The following GNG4 variants were observed in gnomAD, a reference collection of about 807,000 sequenced individuals.
GNG4 encodes the protein G protein subunit gamma 4.
A neutral mutation model predicts 5.8 loss-of-function variants in GNG4; 4 were observed. That is an observed-to-expected ratio of 0.69 (90% CI 0.34 to 1.57). GNG4 has a LOEUF of 1.57. Ranked by LOEUF, GNG4 falls within the 40% of genes most tolerant of loss-of-function variation. The pLI, the probability that GNG4 is intolerant of heterozygous loss-of-function variation, is 0.06. For missense variants in GNG4, 96 were observed against 95.1 expected (o/e 1.01, Z -0.04); for synonymous variants, 29 against 32.9 (o/e 0.88, Z 0.41).
At chr1:235,580,307 G>T (rs1474092573) in intron 3 of GNG4, among the ~76,000 whole-genome samples, 2 of 152,164 alleles carry the variant, frequency 1.3e-5, no homozygotes, top group Non-Finnish European at 2.9e-5. Context: ...TTTCTGTGTG[G>T]GAAGATGAGA....
intron 1 of GNG4, among the ~76,000 whole-genome samples, chr1:235,628,994 T>A (rs896490037): frequency 4.7e-5 from 5 of 106,456 alleles, no homozygotes; most frequent in African/African-American, 2.5e-4. Context: ...TTTGCTTGAA[T>A]TTTTTTTTTT....
intron 1 of GNG4, among the ~76,000 whole-genome samples, chr1:235,645,876 CCT>C (rs1657498285): frequency 6.6e-6 from 1 of 151,732 alleles, no homozygotes; most frequent in South Asian, 2.1e-4. Context: ...TATCGCCCTG[CCT>C]CTCTTTCTTT....
At chr1:235,557,697 C>A (rs1245226040) in intron 3 of GNG4, among the ~76,000 whole-genome samples, 7 of 152,174 alleles carry the variant, frequency 4.6e-5, no homozygotes, top group Non-Finnish European at 8.8e-5. Context: ...CAAGGGGGCG[C>A]CTCACTGGGG....
At chr1:235,636,620 G>A (rs2102986060) in intron 1 of GNG4, among the ~76,000 whole-genome samples, 1 of 152,292 alleles carries the variant, frequency 6.6e-6, no homozygotes, top group East Asian at 1.9e-4. Context: ...AATTGCCTGT[G>A]CCCTGAGATG....
At position 235,619,681 on chromosome 1, in the gene GNG4, A is replaced by G. The variant is rs77546654; in HGVS notation, c.-122-24170T>C. ...TGAATGTTGAAATCTAACTTTTTATATTATCTTTATTATTGTTATAAAAAC... is the reference window on the plus strand; with the variant it reads ...TGAATGTTGAAATCTAACTTTTTATGTTATCTTTATTATTGTTATAAAAAC... On this transcript the variant is annotated intron_variant, in intron 1 of 3. Transcript: ENST00000391854. 3.3e-5 allele frequency among the ~76,000 whole-genome samples: 5 copies of G among 152,282 alleles called. No homozygotes were observed. In the East Asian group the frequency reaches 9.6e-4, roughly 29 times the overall value.
In GNG4 at chr1:235,589,436, C is replaced by T. The variant is rs113665330; in HGVS notation, c.-10-5588G>A. Among the ~76,000 whole-genome samples the T allele has an allele frequency of 1.7e-3, 261 of 152,246 alleles. 1 individual carries two copies. Among genetic ancestry groups the T allele is most frequent in the African/African-American group, 5.7e-3 (238 of 41,534 alleles). ...GCCAGAGCAGACAGCTGAGTCAAGG[C>T]GGACAGTGTGAGAGAGCTGGTATGA... On this transcript the variant is annotated intron_variant, in intron 2 of 3. Transcript: ENST00000391854.
At chr1:235,625,115 C>A (rs1450720024) in intron 1 of GNG4, among the ~76,000 whole-genome samples, 1 of 152,054 alleles carries the variant, frequency 6.6e-6, no homozygotes, top group Non-Finnish European at 1.5e-5. Context: ...GGGGAGGGAA[C>A]GAAGATTGAT....
At chr1:235,611,174 T>C (rs57247603) in intron 1 of GNG4, among the ~76,000 whole-genome samples, 1,947 of 150,892 alleles carry the variant, frequency 0.013, 41 homozygotes, top group African/African-American at 0.041. Flanking sequence ...TCTCTCTCTT[T>C]TTTTTTTTTT....
rs1040360497 is a variant in GNG4 at position 235,647,032 on chromosome 1, T to C, written c.-123+2630A>G. Among the ~76,000 whole-genome samples the C allele has an allele frequency of 5.3e-5, 8 of 152,352 alleles. No homozygotes were observed. In the East Asian group the frequency reaches 1.5e-3, roughly 29 times the overall value. ...TTTCAGTCTTTCGGTAGTATTACCC[T>C]GCAATCTCCTTTTCTTTCCTGATAC... On this transcript the variant is annotated intron_variant, in intron 1 of 3. Coordinates refer to ENST00000391854, the MANE Select transcript of GNG4 (RefSeq NM_001098722.2).
intron 1 of GNG4, among the ~76,000 whole-genome samples, chr1:235,639,539 C>G (rs112718250): frequency 7.5e-6 from 1 of 132,484 alleles, no homozygotes; most frequent in Non-Finnish European, 1.7e-5. Flanking sequence ...TTCTTAATTC[C>G]GTGTTGTATG....
chr1:235,620,719 T>G (rs1203697955), intron 1 of GNG4, among the ~76,000 whole-genome samples: 1 of 152,134 alleles, frequency 6.6e-6, no homozygotes, highest in African/African-American at 2.4e-5. Flanking sequence ...ATATTTTTAG[T>G]AGAGACAGGG....
rs1686678083 is a variant in GNG4 at position 235,549,388 on chromosome 1, G to C, written c.*2721C>G. On this transcript the variant is annotated 3_prime_UTR_variant, in exon 4 of 4. Coordinates refer to ENST00000391854, the MANE Select transcript of GNG4 (RefSeq NM_001098722.2). The stretch of plus-strand genomic sequence containing the variant: ...ACAAAACGGAGGCTGAATCTGGAGG[G>C]ACGGGGCATGTAAAAACAACAGGGA... 2 of 152,392 alleles carry C rather than the reference G, an allele frequency of 1.3e-5. No homozygotes were observed. Among genetic ancestry groups the C allele is most frequent in the Admixed American group, 6.6e-5 (1 of 15,264 alleles). 9.4% of individuals were successfully genotyped at this position (152,392 alleles called of 1,614,324 possible).
In GNG4 at chr1:235,587,629, G is replaced by T. The variant is rs1465200697; in HGVS notation, c.-10-3781C>A. Among the ~76,000 whole-genome samples, 90 of 77,972 alleles carry T rather than the reference G, an allele frequency of 1.2e-3. 13 individuals are homozygous for T. Among genetic ancestry groups the T allele is most frequent in the African/African-American group, 1.6e-3 (33 of 20,096 alleles). 51.2% of individuals were successfully genotyped at this position (77,972 alleles called of 152,430 possible). The stretch of plus-strand genomic sequence containing the variant: ...CATGGGGTGGGGTGTGTGAATGTGG[G>T]GTGGAGTGTGAGTGTGGGAGGGTGT... On this transcript the variant is annotated intron_variant, in intron 2 of 3. Coordinates refer to ENST00000391854, the MANE Select transcript of GNG4 (RefSeq NM_001098722.2).
intron 3 of GNG4, among the ~76,000 whole-genome samples, chr1:235,567,336 A>G (rs1687223916): frequency 6.6e-6 from 1 of 152,226 alleles, no homozygotes; most frequent in Admixed American, 6.5e-5. Context: ...CATCAAATGC[A>G]TCGTCTTAAC....
chr1:235,586,272 T>C (rs183816472), intron 2 of GNG4, among the ~76,000 whole-genome samples: 44 of 152,326 alleles, frequency 2.9e-4, no homozygotes, highest in Non-Finnish European at 5.3e-4. Context: ...TCAGCAGAAC[T>C]GTGCACGCGT....
At chr1:235,586,615 C>T (rs1029426181) in intron 2 of GNG4, among the ~76,000 whole-genome samples, 1 of 152,178 alleles carries the variant, frequency 6.6e-6, no homozygotes, top group African/African-American at 2.4e-5. Context: ...AAGGGCTCAG[C>T]GCCACCCTTT....
chr1:235,559,390 T>C (rs556050359), intron 3 of GNG4, among the ~76,000 whole-genome samples: 2 of 152,156 alleles, frequency 1.3e-5, no homozygotes, highest in Non-Finnish European at 2.9e-5. Context: ...ACCTCACCTT[T>C]AAATTCTCAG....
At position 235,642,685 on chromosome 1, in the gene GNG4, G is replaced by A. The variant is rs1392386954; in HGVS notation, c.-123+6977C>T. 6.6e-6 allele frequency among the ~76,000 whole-genome samples: 1 copy of A among 152,122 alleles called. No individual in the cohort carries two copies. The highest frequency in any genetic ancestry group is 1.9e-4 in the East Asian group (1 of 5,182). ...CATGAAAGTCTGTGTAAGAAAGGGTGTGCCTCCTACAGAAGGATATTTGTT... is the reference window on the plus strand; with the variant it reads ...CATGAAAGTCTGTGTAAGAAAGGGTATGCCTCCTACAGAAGGATATTTGTT... On this transcript the variant is annotated intron_variant, in intron 1 of 3. Coordinates refer to ENST00000391854, the MANE Select transcript of GNG4 (RefSeq NM_001098722.2). The surrounding 1 kb of genome is among the most constrained non-coding windows in gnomAD (Gnocchi z 4.3).
rs1265729638 is a variant in GNG4, at chr1:235,649,704, T to A, written c.-165A>T. Reference sequence around the variant, plus strand: ...GCGGGCTTCGTCTGCAGCGCGGTGCTCGCGGGGGGCGGCCAGGCCGAGCGG... The same window carrying A: ...GCGGGCTTCGTCTGCAGCGCGGTGCACGCGGGGGGCGGCCAGGCCGAGCGG... On this transcript the variant is annotated 5_prime_UTR_variant, in exon 1 of 4. Transcript: ENST00000391854. This position sits in a 1 kb window ranked among gnomAD's most constrained non-coding sequence, Gnocchi z 5.7. 6.6e-6 allele frequency: 1 copy of A among 151,776 alleles called. No individual in the cohort carries two copies. Among genetic ancestry groups the A allele is most frequent in the East Asian group, 1.9e-4 (1 of 5,148 alleles). 9.4% of individuals were successfully genotyped at this position (151,776 alleles called of 1,614,324 possible). A position where few individuals can be genotyped will look rare whatever the true frequency, so the allele number is the denominator to read the frequency against.
Sources: allele counts gnomAD v4.1 joint callset (sites outside exome capture counted in the v4.1 genomes callset), GRCh38; gene constraint gnomAD v4.1.1; non-coding constraint Gnocchi (gnomAD v3.1); transcripts MANE v1.5; gene names NCBI Gene and HGNC (gene_info 2026-07-23, HGNC 2026-07-21).